KIF14: variants seen among roughly 807,000 people sequenced by gnomAD.
KIF14 encodes kinesin-like protein KIF14.
KIF14 carries 98 observed loss-of-function variants against 176.2 expected under a neutral mutation model. The ratio of observed to expected loss-of-function variants is 0.56; its 90% CI spans 0.47 to 0.66. KIF14 has a LOEUF of 0.66. Among genes scored for constraint, KIF14 ranks in the 30% least tolerant of loss-of-function variants. The probability of loss-of-function intolerance (pLI) is 0.00; values close to 1 mark genes in which losing one functional copy is unlikely to be tolerated. For missense variants in KIF14, 1,751 were observed against 1,920.4 expected (o/e 0.91, Z 1.65); for synonymous variants, 566 against 632.2 (o/e 0.90, Z 1.57).
chr1:200,582,033 A>G (rs137876907), intron 19 of KIF14, among the ~76,000 whole-genome samples: 3,558 of 152,060 alleles, frequency 0.023, 50 homozygotes, highest in Non-Finnish European at 0.035. Flanking sequence ...GCCTTCCAAA[A>G]TGCTGGGATT....
intron 11 of KIF14, 103 bp from the exon 12 acceptor site, chr1:200,600,606 T>C: frequency 2.7e-6 from 2 of 753,290 alleles, no homozygotes; most frequent in Non-Finnish European, 4.3e-6. Flanking sequence ...AAGTTTTAAA[T>C]ACAGTATTAC....
At chr1:200,601,738 C>T (rs1023471215) in intron 11 of KIF14, among the ~76,000 whole-genome samples, 158 bp downstream of exon 11, 1 of 152,090 alleles carries the variant, frequency 6.6e-6, no homozygotes, top group African/African-American at 2.4e-5. Context: ...GTCCTTCTAC[C>T]TATCATCCTC....
chr1:200,571,676 A>G (rs115827352), intron 22 of KIF14, among the ~76,000 whole-genome samples: 4,353 of 152,276 alleles, frequency 0.029, 210 homozygotes, highest in African/African-American at 0.098. Flanking sequence ...TTCAAATATA[A>G]AATTTCCCCC....
intron 4 of KIF14, among the ~76,000 whole-genome samples, chr1:200,609,792 C>A (rs1660063332): frequency 6.6e-6 from 1 of 152,138 alleles, no homozygotes; most frequent in African/African-American, 2.4e-5. Context: ...AAACAACAAC[C>A]CAAATGTCCA....
At chr1:200,578,759 A>G (rs549230073) in intron 21 of KIF14, among the ~76,000 whole-genome samples, 1 of 152,338 alleles carries the variant, frequency 6.6e-6, no homozygotes, top group East Asian at 1.9e-4. Flanking sequence ...AAATATGTAA[A>G]TAACTTTTAT....
rs114032133 is a variant in KIF14, at chr1:200,585,542, T to A, written c.3241+559A>T. On this transcript the variant is annotated intron_variant, in intron 19 of 29. Transcript: ENST00000367350. The stretch of plus-strand genomic sequence containing the variant: ...CTGCACATTGAAATTTGGCTTACTA[T>A]TTGCTCAGTTGCAGTACTATTAACA... Among the ~76,000 whole-genome samples, 1,027 of 152,338 alleles carry A rather than the reference T, an allele frequency of 6.7e-3. 14 individuals carry two copies. The highest frequency in any genetic ancestry group is 0.023 in the African/African-American group (944 of 41,576).
At chr1:200,566,152 G>T (rs776427660) in intron 23 of KIF14, among the ~76,000 whole-genome samples, 23 of 151,998 alleles carry the variant, frequency 1.5e-4, no homozygotes, top group Admixed American at 1.1e-3. Context: ...CCTCTCAACC[G>T]CATCAATCCA....
chr1:200,587,831 T>C (rs1658833924), intron 18 of KIF14, among the ~76,000 whole-genome samples: 1 of 151,994 alleles, frequency 6.6e-6, no homozygotes, highest in Non-Finnish European at 1.5e-5. Flanking sequence ...AAACCAAAAA[T>C]GGTAACAATC....
chr1:200,563,512 A>G (rs1657274271), intron 25 of KIF14, among the ~76,000 whole-genome samples: 2 of 152,032 alleles, frequency 1.3e-5, no homozygotes, highest in African/African-American at 4.8e-5. Context: ...CCACAGGTAC[A>G]TGCCACCAAA....
intron 25 of KIF14, among the ~76,000 whole-genome samples, chr1:200,561,864 C>T (rs1657180360): frequency 6.6e-6 from 1 of 151,950 alleles, no homozygotes. Context: ...AACCATCTGA[C>T]AGTTAATAAA....
At chr1:200,599,978 G>C in intron 13 of KIF14, 72 bp downstream of exon 13, 2 of 857,234 alleles carry the variant, frequency 2.3e-6, no homozygotes. Context: ...ACATGCATTG[G>C]CATATTGGCA....
At chr1:200,582,569 G>T (rs1658519498) in intron 19 of KIF14, among the ~76,000 whole-genome samples, 1 of 152,188 alleles carries the variant, frequency 6.6e-6, no homozygotes, top group Non-Finnish European at 1.5e-5. Flanking sequence ...AAGAGTATTG[G>T]CTGGGTGAAG....
At chr1:200,602,517 A>G (rs952871913) in intron 10 of KIF14, among the ~76,000 whole-genome samples, 2 of 152,226 alleles carry the variant, frequency 1.3e-5, no homozygotes, top group Admixed American at 1.3e-4. Context: ...TAAAACATAT[A>G]TTAGTGCAGA....
intron 18 of KIF14, among the ~76,000 whole-genome samples, chr1:200,586,510 T>C (rs916163599): frequency 6.6e-6 from 1 of 152,010 alleles, no homozygotes; most frequent in Non-Finnish European, 1.5e-5. Context: ...CATGAAAAGC[T>C]TTTAAAAATG....
intron 14 of KIF14, among the ~76,000 whole-genome samples, chr1:200,595,932 CAAAAAAAAAA>C (rs35375679): frequency 3.8e-5 from 2 of 52,244 alleles, no homozygotes; most frequent in African/African-American, 7.2e-5. Flanking sequence ...ACTCCATCTC[CAAAAAAAAAA>C]AAAAAAAAAA....
intron 16 of KIF14, 36 bp downstream of exon 16, chr1:200,592,044 C>T: frequency 6.5e-7 from 1 of 1,547,648 alleles, no homozygotes. Flanking sequence ...AGATCTCTCT[C>T]ATACACTTAC....
intron 25 of KIF14, among the ~76,000 whole-genome samples, chr1:200,562,772 C>T (rs1241641037): frequency 6.6e-6 from 1 of 152,102 alleles, no homozygotes; most frequent in African/African-American, 2.4e-5. Flanking sequence ...TGTTTGCAGT[C>T]CACCCACCCC....
chr1:200,590,352 G>A, intron 16 of KIF14, 80 bp from the exon 17 acceptor site: 1 of 1,202,332 alleles, frequency 8.3e-7, no homozygotes, highest in Non-Finnish European at 1.1e-6. Context: ...CTACTGAAAA[G>A]TTTTCCATTG....
In KIF14 at chr1:200,608,939, T is replaced by C. The variant is rs775824942; in HGVS notation, c.1456-11A>G. 1.7e-5 allele frequency: 24 copies of C among 1,448,950 alleles called. No homozygotes were observed. In the Middle Eastern group the frequency reaches 6.9e-4, roughly 42 times the overall value. The allele number at this position is 1,448,950 out of a possible 1,614,324, so 89.8% of individuals were successfully genotyped here. On this transcript the variant is annotated splice_polypyrimidine_tract_variant and intron_variant, in intron 4 of 29. Coordinates refer to ENST00000367350, the MANE Select transcript of KIF14 (RefSeq NM_014875.3). Reference sequence around the variant, plus strand: ...AATGTGATAGCTGACCTAGTAGGAATAGAAACACAGCATATAATTTATTTT... The same window carrying C: ...AATGTGATAGCTGACCTAGTAGGAACAGAAACACAGCATATAATTTATTTT...
Sources: allele counts gnomAD v4.1 joint callset (sites outside exome capture counted in the v4.1 genomes callset), GRCh38; gene constraint gnomAD v4.1.1; transcripts MANE v1.5; gene names NCBI Gene and HGNC (gene_info 2026-07-23, HGNC 2026-07-21).